The following PDE11A variants were observed in gnomAD, a reference collection of about 807,000 sequenced individuals.
PDE11A encodes the protein phosphodiesterase 11A, also known as dual 3',5'-cyclic-AMP and -GMP phosphodiesterase 11A.
Under a neutral mutation model 100.5 loss-of-function variants are expected in PDE11A, and 100 were observed. The ratio of observed to expected loss-of-function variants is 1.00; its 90% CI spans 0.85 to 1.18. The LOEUF (loss-of-function observed/expected upper bound fraction) is 1.18, where lower values mean the gene tolerates loss of function less well. Ranked by LOEUF, PDE11A falls within the 50% of genes most tolerant of loss-of-function variation. PDE11A has a pLI of 0.00. For synonymous variants in PDE11A, 381 were observed against 420.8 expected, an observed-to-expected ratio of 0.91 and a Z score of 1.16; for missense variants, 1,141 against 1,152.6, an observed-to-expected ratio of 0.99 and a Z score of 0.15.
chr2:177,743,448 T>A (rs1326597714), intron 10 of PDE11A, among the ~76,000 whole-genome samples: 1 of 152,184 alleles, frequency 6.6e-6, no homozygotes, highest in Non-Finnish European at 1.5e-5. Context: ...GCACCAACAG[T>A]ATGCCTTGAA....
chr2:177,824,530 G>T (rs148106084), intron 6 of PDE11A, among the ~76,000 whole-genome samples: 1 of 152,072 alleles, frequency 6.6e-6, no homozygotes, highest in African/African-American at 2.4e-5. Flanking sequence ...CAACCTTTCC[G>T]GAAATAGGTT....
chr2:177,814,222 T>G (rs2083000450), intron 9 of PDE11A, among the ~76,000 whole-genome samples: 1 of 152,126 alleles, frequency 6.6e-6, no homozygotes, highest in African/African-American at 2.4e-5. Flanking sequence ...TAGAAATATT[T>G]AGAAAAATAT....
chr2:178,022,481 A>AT (rs5836639), intron 1 of PDE11A, among the ~76,000 whole-genome samples: 5 of 151,496 alleles, frequency 3.3e-5, no homozygotes, highest in African/African-American at 1.2e-4. Flanking sequence ...GACATAGACG[A>AT]TTTTTTTTTT....
chr2:177,714,955 C>A (rs1053335320), intron 12 of PDE11A, among the ~76,000 whole-genome samples: 4 of 152,184 alleles, frequency 2.6e-5, no homozygotes, highest in African/African-American at 7.2e-5. Context: ...CTTCCTCCAC[C>A]GTCATTCAGG....
At chr2:177,826,026 A>G (rs142486026) in intron 6 of PDE11A, among the ~76,000 whole-genome samples, 8 of 152,358 alleles carry the variant, frequency 5.3e-5, no homozygotes, top group Admixed American at 4.6e-4. Flanking sequence ...TTATTGTTCC[A>G]CATGGTGCCT....
At chr2:177,965,147 G>T (rs902343983) in intron 2 of PDE11A, among the ~76,000 whole-genome samples, 3 of 152,154 alleles carry the variant, frequency 2.0e-5, no homozygotes, top group Admixed American at 2.0e-4. Flanking sequence ...TCACATGCTT[G>T]CTGGCCGTAT....
chr2:177,689,423 G>A (rs1013491123), intron 15 of PDE11A, among the ~76,000 whole-genome samples: 1 of 152,144 alleles, frequency 6.6e-6, no homozygotes, highest in Non-Finnish European at 1.5e-5. Context: ...GTCAGGCAGG[G>A]GTTGCAGGGT....
At chr2:178,064,387 C>T (rs543617609) in intron 1 of PDE11A, among the ~76,000 whole-genome samples, 24 of 152,262 alleles carry the variant, frequency 1.6e-4, no homozygotes, top group African/African-American at 4.8e-4. Flanking sequence ...CAGAATCTCA[C>T]GAATAAACAG....
At chr2:177,950,178 T>C (rs1188850771) in intron 2 of PDE11A, among the ~76,000 whole-genome samples, 29 of 152,162 alleles carry the variant, frequency 1.9e-4, no homozygotes, top group African/African-American at 9.7e-5. Context: ...GGAATCCTAG[T>C]AGTAACTCTT....
At chr2:177,951,244 A>C (rs895267582) in intron 2 of PDE11A, among the ~76,000 whole-genome samples, 11 of 152,220 alleles carry the variant, frequency 7.2e-5, no homozygotes, top group Admixed American at 1.3e-4. Context: ...GTCTAACTGA[A>C]CTACTAATTT....
At chr2:177,956,640 G>C (rs2085566850) in intron 2 of PDE11A, among the ~76,000 whole-genome samples, 1 of 152,210 alleles carries the variant, frequency 6.6e-6, no homozygotes, top group Non-Finnish European at 1.5e-5. Flanking sequence ...ATTCACAATA[G>C]CAAAGACTTG....
intron 2 of PDE11A, among the ~76,000 whole-genome samples, chr2:177,927,300 T>A (rs1211423084): frequency 1.3e-5 from 2 of 152,220 alleles, no homozygotes; most frequent in Non-Finnish European, 2.9e-5. Flanking sequence ...TTTCAAAAAA[T>A]TTGCCTTAAT....
At chr2:177,740,130 C>T (rs1052270465) in intron 10 of PDE11A, among the ~76,000 whole-genome samples, 11 of 152,342 alleles carry the variant, frequency 7.2e-5, no homozygotes, top group Non-Finnish European at 8.8e-5. Context: ...TTATTCCACA[C>T]AGACAAACAT....
intron 12 of PDE11A, among the ~76,000 whole-genome samples, chr2:177,719,718 C>A (rs2081497184): frequency 6.6e-6 from 1 of 152,102 alleles, no homozygotes; most frequent in Non-Finnish European, 1.5e-5. Context: ...CATTTAATTT[C>A]TGGTATTTTA....
chr2:178,049,822 G>A (rs2086798511), intron 1 of PDE11A, among the ~76,000 whole-genome samples: 1 of 152,196 alleles, frequency 6.6e-6, no homozygotes, highest in Non-Finnish European at 1.5e-5. Context: ...CGCCATTGCT[G>A]AGGCTTGAGT....
chr2:177,645,406 A>G (rs958261764), intron 19 of PDE11A, among the ~76,000 whole-genome samples: 3 of 152,158 alleles, frequency 2.0e-5, no homozygotes, highest in African/African-American at 4.8e-5. Flanking sequence ...CACGTTGGCC[A>G]GGCTGGCCAT....
chr2:177,960,381 AT>A (rs1294000221), intron 2 of PDE11A, among the ~76,000 whole-genome samples: 2 of 152,262 alleles, frequency 1.3e-5, no homozygotes, highest in East Asian at 3.9e-4. Flanking sequence ...GAATGAAAAA[AT>A]TTCAACTACA....
chr2:177,766,295 C>A (rs1169528242), intron 10 of PDE11A, among the ~76,000 whole-genome samples: 1 of 152,190 alleles, frequency 6.6e-6, no homozygotes. Context: ...TCTAATGCCA[C>A]TGCTGATCTG....
chr2:177,947,565 G>A (rs1391836750), intron 2 of PDE11A, among the ~76,000 whole-genome samples: 1 of 151,828 alleles, frequency 6.6e-6, no homozygotes. Flanking sequence ...ATGCTTGAAG[G>A]CAGCATGCTC....
Sources: allele counts gnomAD v4.1 joint callset (sites outside exome capture counted in the v4.1 genomes callset), GRCh38; gene constraint gnomAD v4.1.1; transcripts MANE v1.5; gene names NCBI Gene and HGNC (gene_info 2026-07-23, HGNC 2026-07-21).